The following PDSS1 variants were observed in gnomAD, a reference collection of about 807,000 sequenced individuals.
The protein encoded by PDSS1 is decaprenyl diphosphate synthase subunit 1, also known as all trans-polyprenyl-diphosphate synthase PDSS1.
A neutral mutation model predicts 57.5 loss-of-function variants in PDSS1; 43 were observed. The ratio of observed to expected loss-of-function variants is 0.75; its 90% CI spans 0.59 to 0.96. The LOEUF is 0.96. Ranked by LOEUF, PDSS1 falls within the 50% of genes least tolerant of loss-of-function variation. The pLI, the probability that PDSS1 is intolerant of heterozygous loss-of-function variation, is 0.00. For synonymous variants in PDSS1, 175 were observed against 191.3 expected, an observed-to-expected ratio of 0.91 and a Z score of 0.70; for missense variants, 438 against 527.8, an observed-to-expected ratio of 0.83 and a Z score of 1.67.
At position 26,697,875 on chromosome 10, in the gene PDSS1, G is replaced by C. The variant is rs1436559411; in HGVS notation, c.129+35G>C. 3.9e-6 allele frequency: 5 copies of C among 1,269,292 alleles called. No homozygotes were observed. In the South Asian group the frequency reaches 1.3e-4, roughly 32 times the overall value. 78.6% of individuals were successfully genotyped at this position (1,269,292 alleles called of 1,614,324 possible). A position where few individuals can be genotyped will look rare whatever the true frequency, so the allele number is the denominator to read the frequency against. On this transcript the variant is annotated intron_variant, in intron 1 of 11. Coordinates refer to ENST00000376215, the MANE Select transcript of PDSS1 (RefSeq NM_014317.5). ...GGAGGCGCGCGCCCGGCGGGGCTCA[G>C]AGGTCACGGCTCCAATGACAGCAGT...
chr10:26,744,385 T>C (rs1355394556), intron 11 of PDSS1, among the ~76,000 whole-genome samples: 1 of 152,110 alleles, frequency 6.6e-6, no homozygotes, highest in Non-Finnish European at 1.5e-5. Context: ...TTTATTTTAT[T>C]ATTTTATTTT....
chr10:26,738,805 C>T (rs945543428), intron 10 of PDSS1, among the ~76,000 whole-genome samples: 1 of 152,140 alleles, frequency 6.6e-6, no homozygotes, highest in Non-Finnish European at 1.5e-5. Context: ...TAACATCTCT[C>T]TTAAGGGGTT....
chr10:26,742,228 C>T (rs1350998893), intron 10 of PDSS1, among the ~76,000 whole-genome samples: 2 of 152,174 alleles, frequency 1.3e-5, no homozygotes, highest in African/African-American at 4.8e-5. Flanking sequence ...TCTCTTAACT[C>T]AGTGTTGGAC....
chr10:26,709,326 G>A (rs1214640217), intron 4 of PDSS1, among the ~76,000 whole-genome samples: 2 of 152,206 alleles, frequency 1.3e-5, no homozygotes, highest in African/African-American at 4.8e-5. Context: ...TTGGGAGGCC[G>A]AGGCGGGTGG....
rs1287835706 is a variant in PDSS1, at chr10:26,742,354, C to T, written c.1027-143C>T. 5.5e-5 allele frequency: 39 copies of T among 702,716 alleles called. No homozygotes were observed. In the East Asian group the frequency reaches 1.0e-3, roughly 19 times the overall value. The allele number at this position is 702,716 out of a possible 1,614,324, so 43.5% of individuals were successfully genotyped here. A position where few individuals can be genotyped will look rare whatever the true frequency, so the allele number is the denominator to read the frequency against. ...GCTCAGCTTTTGTTGCCACAGTTTACTGCTCCCCCACATCATCTAGACACT... is the reference window on the plus strand; with the variant it reads ...GCTCAGCTTTTGTTGCCACAGTTTATTGCTCCCCCACATCATCTAGACACT... On this transcript the variant is annotated intron_variant, in intron 10 of 11. Coordinates refer to ENST00000376215, the MANE Select transcript of PDSS1 (RefSeq NM_014317.5).
At chr10:26,730,083 T>C (rs1382831300) in intron 8 of PDSS1, among the ~76,000 whole-genome samples, 2 of 151,588 alleles carry the variant, frequency 1.3e-5, no homozygotes, top group Non-Finnish European at 2.9e-5. Flanking sequence ...CGGCTAATTT[T>C]TTGTATTTTT....
At chr10:26,719,849 A>G (rs1176202672) in intron 5 of PDSS1, among the ~76,000 whole-genome samples, 5 of 152,230 alleles carry the variant, frequency 3.3e-5, no homozygotes, top group African/African-American at 9.6e-5. Context: ...CTTCTCACCT[A>G]TCTTCCCTAT....
chr10:26,700,345 T>C (rs1368087516), intron 1 of PDSS1, among the ~76,000 whole-genome samples: 2 of 144,730 alleles, frequency 1.4e-5, no homozygotes, highest in Non-Finnish European at 3.0e-5. Flanking sequence ...GGCTCACGCC[T>C]GTAATCCCAA....
At chr10:26,715,586 G>T in intron 5 of PDSS1, 1 of 152,168 alleles carries the variant, frequency 6.6e-6, no homozygotes. Flanking sequence ...TAGTAGAGAC[G>T]GGGTTTCATC....
At chr10:26,729,711 T>G (rs67649540) in intron 8 of PDSS1, among the ~76,000 whole-genome samples, 27,311 of 152,124 alleles carry the variant, frequency 0.18, 2,623 homozygotes, top group African/African-American at 0.21. Context: ...GTTCAAAAGT[T>G]ACCTTTCTCT....
At chr10:26,728,451 T>C (rs1332369504) in intron 8 of PDSS1, among the ~76,000 whole-genome samples, 1 of 151,774 alleles carries the variant, frequency 6.6e-6, no homozygotes, top group Non-Finnish European at 1.5e-5. Context: ...GATTGCACCA[T>C]TGCACTCAAG....
intron 3 of PDSS1, among the ~76,000 whole-genome samples, 182 bp downstream of exon 3, chr10:26,704,923 C>T (rs1282495886): frequency 2.0e-5 from 3 of 152,052 alleles, no homozygotes; most frequent in Non-Finnish European, 1.5e-5. Context: ...CAGACATAAG[C>T]ACCCGGCCTA....
At chr10:26,738,883 T>A (rs1027339972) in intron 10 of PDSS1, among the ~76,000 whole-genome samples, 1 of 152,228 alleles carries the variant, frequency 6.6e-6, no homozygotes, top group Non-Finnish European at 1.5e-5. Context: ...TCCCAGGGGA[T>A]GACAGCGTCC....
At chr10:26,729,492 C>T (rs1436099738) in intron 8 of PDSS1, among the ~76,000 whole-genome samples, 1 of 152,134 alleles carries the variant, frequency 6.6e-6, no homozygotes, top group African/African-American at 2.4e-5. Context: ...TCCAGGATTC[C>T]ATCTTTCCAT....
rs770801485 is a variant in PDSS1 at position 26,705,305 on chromosome 10, G to A, written c.247G>A (p.Asp83Asn). The A allele has an allele frequency of 6.2e-7, 1 of 1,611,116 alleles. No homozygotes were observed. The highest frequency in any genetic ancestry group is 2.2e-5 in the East Asian group (1 of 44,824). Residue 83 changes from aspartate (D) to asparagine (N), a missense_variant, in exon 4 of 12, where the codon GAC becomes AAC. By Grantham distance (23) the Asp-to-Asn change is conservative. This residue lies in a region of PDSS1 where 154 missense variants were observed against 137.0 expected (regional missense o/e 1.12). Coordinates refer to ENST00000376215, the MANE Select transcript of PDSS1 (RefSeq NM_014317.5). The part of the protein sequence containing the change: ...RISRFHHTTP[D>N]SKTHSGEKYT... The stretch of plus-strand genomic sequence containing the variant: ...TCCCAGGTTTCATCACACAACCCCA[G>A]ACAGTAAAACACACAGTGGTGAAAA...
rs567452614 is a variant in PDSS1 at position 26,721,808 on chromosome 10, A to G, written c.609+1449A>G. 2.0e-5 allele frequency among the ~76,000 whole-genome samples: 3 copies of G among 152,170 alleles called. No individual in the cohort carries two copies. In the South Asian group the frequency reaches 6.2e-4, roughly 32 times the overall value. On this transcript the variant is annotated intron_variant, in intron 6 of 11. Coordinates refer to ENST00000376215, the MANE Select transcript of PDSS1 (RefSeq NM_014317.5). ...TAGCCCCTGTGTGTCTGCCTCTGCCACTGGGGACCTCTTTCTGAGGGCAGG... is the reference window on the plus strand; with the variant it reads ...TAGCCCCTGTGTGTCTGCCTCTGCCGCTGGGGACCTCTTTCTGAGGGCAGG...
intron 2 of PDSS1, among the ~76,000 whole-genome samples, chr10:26,704,291 C>T (rs1267817303): frequency 2.0e-5 from 3 of 151,972 alleles, no homozygotes; most frequent in Non-Finnish European, 2.9e-5. Context: ...TTAAAATAGA[C>T]AGTGTTTGTA....
intron 5 of PDSS1, among the ~76,000 whole-genome samples, chr10:26,710,801 G>A (rs971015993): frequency 2.0e-5 from 2 of 99,238 alleles, no homozygotes; most frequent in African/African-American, 6.6e-5. Flanking sequence ...ACCTGAGGGA[G>A]GGGGAGAGGA....
intron 8 of PDSS1, among the ~76,000 whole-genome samples, chr10:26,727,485 CTTT>C (rs569539570): frequency 7.0e-6 from 1 of 142,512 alleles, no homozygotes; most frequent in Non-Finnish European, 1.5e-5. Flanking sequence ...GCAGAACACT[CTTT>C]TTTTTTTTTT....
Sources: gnomAD v4.1 joint callset for allele counts (sites outside exome capture counted in the v4.1 genomes callset) on GRCh38, gnomAD v4.1.1 for gene constraint, gnomAD v4.1.1 regional missense constraint, MANE v1.5 for transcripts, NCBI Gene and HGNC (gene_info 2026-07-23, HGNC 2026-07-21) for gene names.